DENND5B: variants seen among roughly 807,000 people sequenced by gnomAD.
The protein encoded by DENND5B is DENN domain-containing protein 5B.
Under a neutral mutation model 140.6 loss-of-function variants are expected in DENND5B, and 34 were observed. That is an observed-to-expected ratio of 0.24 (90% CI 0.18 to 0.32). DENND5B has a LOEUF of 0.32. Ranked by LOEUF, DENND5B falls within the 10% of genes least tolerant of loss-of-function variation. The pLI is 1.00. For synonymous variants in DENND5B, 551 were observed against 562.1 expected, an observed-to-expected ratio of 0.98 and a Z score of 0.28; for missense variants, 1,142 against 1,560.2, an observed-to-expected ratio of 0.73 and a Z score of 4.52.
At chr12:31,512,079 G>A (rs1839018833) in intron 1 of DENND5B, among the ~76,000 whole-genome samples, 1 of 151,014 alleles carries the variant, frequency 6.6e-6, no homozygotes, top group Non-Finnish European at 1.5e-5. Context: ...ACCATGCCTG[G>A]CTAATTTTTG....
At chr12:31,450,032 A>G (rs1593196214) in intron 5 of DENND5B, among the ~76,000 whole-genome samples, 2 of 152,162 alleles carry the variant, frequency 1.3e-5, no homozygotes, top group African/African-American at 2.4e-5. Flanking sequence ...TGCCCAGCCC[A>G]CAGATTAGTT....
chr12:31,477,693 C>A, intron 3 of DENND5B: 1 of 172,100 alleles, frequency 5.8e-6, no homozygotes, highest in East Asian at 1.7e-4. Flanking sequence ...ACAGAATCCT[C>A]AGAAACTGCA....
intron 1 of DENND5B, among the ~76,000 whole-genome samples, chr12:31,521,987 C>T (rs1299604171): frequency 6.6e-6 from 1 of 152,150 alleles, no homozygotes; most frequent in Non-Finnish European, 1.5e-5. Context: ...CCCTTGGCTA[C>T]CCTCTTCAAT....
chr12:31,459,294 GTTTA>G (rs199891401), intron 4 of DENND5B, among the ~76,000 whole-genome samples: 1,818 of 152,132 alleles, frequency 0.012, 19 homozygotes, highest in East Asian at 0.031. Context: ...AATAATTCTT[GTTTA>G]TTTATTTATT....
intron 1 of DENND5B, among the ~76,000 whole-genome samples, chr12:31,569,167 G>A (rs901489304): frequency 6.8e-5 from 10 of 147,834 alleles, no homozygotes; most frequent in Non-Finnish European, 1.5e-4. Context: ...TCCAGGCTCC[G>A]GTGGTCCTCC....
rs556741902 is a variant in DENND5B, at chr12:31,589,665, G to C, written c.127+1041C>G. 7.2e-5 allele frequency among the ~76,000 whole-genome samples: 11 copies of C among 152,048 alleles called. No individual in the cohort carries two copies. In the South Asian group the frequency reaches 2.3e-3, roughly 32 times the overall value. Reference sequence around the variant, plus strand: ...TCAATAAGGAATTATTTGTCCAAAGGAAGTTGTTCTGAAAGGCTATGACCT... The same window carrying C: ...TCAATAAGGAATTATTTGTCCAAAGCAAGTTGTTCTGAAAGGCTATGACCT... On this transcript the variant is annotated intron_variant, in intron 1 of 20. Coordinates refer to ENST00000389082, the MANE Select transcript of DENND5B (RefSeq NM_144973.4).
intron 1 of DENND5B, among the ~76,000 whole-genome samples, chr12:31,505,418 G>C (rs748330530): frequency 4.0e-5 from 6 of 151,886 alleles, no homozygotes; most frequent in Non-Finnish European, 8.8e-5. Flanking sequence ...TGTAGTTTTA[G>C]TAGAGACAGG....
intron 1 of DENND5B, among the ~76,000 whole-genome samples, chr12:31,511,761 G>C (rs1299987982): frequency 6.6e-6 from 1 of 151,880 alleles, no homozygotes; most frequent in African/African-American, 2.4e-5. Context: ...TAAATGGATA[G>C]ATGAATAAAA....
chr12:31,550,234 T>G (rs1258949574), intron 1 of DENND5B, among the ~76,000 whole-genome samples: 1 of 96,216 alleles, frequency 1.0e-5, no homozygotes, highest in Admixed American at 1.5e-4. Flanking sequence ...CCCACAACAG[T>G]CCCCAGTGTG....
At position 31,443,569 on chromosome 12, in the gene DENND5B, C is replaced by G. The variant is rs141088786; in HGVS notation, c.1862-644G>C. On this transcript the variant is annotated intron_variant, in intron 6 of 20. Transcript: ENST00000389082. Reference sequence around the variant, plus strand: ...AAGTAAGAAATTCAATATTCTTACACAAAAATATGGTTCTAAGTACAACAT... The same window carrying G: ...AAGTAAGAAATTCAATATTCTTACAGAAAAATATGGTTCTAAGTACAACAT... Among the ~76,000 whole-genome samples, 53 of 152,026 alleles carry G rather than the reference C, an allele frequency of 3.5e-4. No homozygotes were observed. The East Asian group carries it at 7.5e-3, about 22-fold the overall frequency.
rs185297314 is a variant in DENND5B at position 31,457,489 on chromosome 12, A to G, written c.1092+2705T>C. On this transcript the variant is annotated intron_variant, in intron 4 of 20. Coordinates refer to ENST00000389082, the MANE Select transcript of DENND5B (RefSeq NM_144973.4). ...TGTCACTATTTTTAGCCATTATTTTATTTTAGACTTTTCAGGGAAAGGTGG... is the reference window on the plus strand; with the variant it reads ...TGTCACTATTTTTAGCCATTATTTTGTTTTAGACTTTTCAGGGAAAGGTGG... Among the ~76,000 whole-genome samples the G allele has an allele frequency of 5.3e-3, 809 of 152,270 alleles. 1 individual carries two copies. The highest frequency in any genetic ancestry group is 9.4e-3 in the Non-Finnish European group (639 of 67,986).
chr12:31,588,418 C>G (rs543006142), intron 1 of DENND5B, among the ~76,000 whole-genome samples: 1 of 152,176 alleles, frequency 6.6e-6, no homozygotes, highest in Non-Finnish European at 1.5e-5. Context: ...ACGTGGACTC[C>G]GCATCCACAG....
chr12:31,528,831 T>C (rs1591987806), intron 1 of DENND5B, among the ~76,000 whole-genome samples: 1 of 152,134 alleles, frequency 6.6e-6, no homozygotes, highest in African/African-American at 2.4e-5. Flanking sequence ...GAGGTAGATT[T>C]AGGACTCATT....
intron 1 of DENND5B, among the ~76,000 whole-genome samples, chr12:31,539,541 G>T (rs1221116805): frequency 6.6e-6 from 1 of 151,994 alleles, no homozygotes; most frequent in African/African-American, 2.4e-5. Flanking sequence ...GACTAAATAG[G>T]ATTTATCCCA....
intron 11 of DENND5B, among the ~76,000 whole-genome samples, chr12:31,421,415 TTAA>T (rs1355675234): frequency 2.0e-5 from 3 of 152,256 alleles, no homozygotes; most frequent in Admixed American, 2.0e-4. Flanking sequence ...ATTAGGAAGC[TTAA>T]TAATTGGCAA....
intron 11 of DENND5B, 117 bp from the exon 12 acceptor site, chr12:31,415,565 G>T: frequency 1.2e-6 from 1 of 801,182 alleles, no homozygotes; most frequent in Non-Finnish European, 1.9e-6. Flanking sequence ...ATATCATCTA[G>T]CCCAAAATGT....
intron 3 of DENND5B, among the ~76,000 whole-genome samples, chr12:31,463,742 A>G (rs969531401): frequency 1.3e-5 from 2 of 151,834 alleles, no homozygotes; most frequent in Admixed American, 6.6e-5. Flanking sequence ...GATCACTGCA[A>G]CCTCCACTTC....
intron 4 of DENND5B, among the ~76,000 whole-genome samples, chr12:31,454,975 CGCCCG>C (rs1944707220): frequency 6.6e-6 from 1 of 151,814 alleles, no homozygotes; most frequent in African/African-American, 2.4e-5. Flanking sequence ...CCTGCCACCA[CGCCCG>C]GCTAATTTTT....
At chr12:31,390,698 TA>T (rs1565533036) in intron 19 of DENND5B, among the ~76,000 whole-genome samples, 1 of 151,152 alleles carries the variant, frequency 6.6e-6, no homozygotes, top group Non-Finnish European at 1.5e-5. Flanking sequence ...TAATGGTTAC[TA>T]TACTGGACAA....
Sources: gnomAD v4.1 joint callset for allele counts (sites outside exome capture counted in the v4.1 genomes callset) on GRCh38, gnomAD v4.1.1 for gene constraint, MANE v1.5 for transcripts, NCBI Gene and HGNC (gene_info 2026-07-23, HGNC 2026-07-21) for gene names.